CSGALNACT1: variants seen among roughly 807,000 people sequenced by gnomAD.
CSGALNACT1 encodes the protein beta4GalNAcT-1.
Under a neutral mutation model 51.0 loss-of-function variants are expected in CSGALNACT1, and 52 were observed. That is an observed-to-expected ratio of 1.02 (90% CI 0.82 to 1.29). The LOEUF (loss-of-function observed/expected upper bound fraction) is 1.29, where lower values mean the gene tolerates loss of function less well. Among genes scored for constraint, CSGALNACT1 ranks in the 50% most tolerant of loss-of-function variants. CSGALNACT1 has a pLI of 0.00. For synonymous variants in CSGALNACT1, 341 were observed against 254.4 expected (o/e 1.34, Z -3.24); for missense variants, 935 against 679.2 (o/e 1.38, Z -4.19).
chr8:19,572,938 C>T (rs1000822736), intron 3 of CSGALNACT1, among the ~76,000 whole-genome samples: 5 of 152,204 alleles, frequency 3.3e-5, no homozygotes, highest in South Asian at 2.1e-4. Context: ...TCCTAAATAT[C>T]GTATTTGAAA....
intron 1 of CSGALNACT1, among the ~76,000 whole-genome samples, chr8:19,631,522 T>C (rs1384783703): frequency 6.6e-6 from 1 of 152,206 alleles, no homozygotes; most frequent in Non-Finnish European, 1.5e-5. Flanking sequence ...TTCAGAAACT[T>C]CAGCCAATCA....
intron 1 of CSGALNACT1, among the ~76,000 whole-genome samples, chr8:19,679,289 C>G (rs940743517): frequency 1.3e-5 from 2 of 151,740 alleles, no homozygotes; most frequent in African/African-American, 4.8e-5. Flanking sequence ...CCCGTTTCTA[C>G]AAACAAAATA....
At chr8:19,564,375 G>A (rs763107418) in intron 3 of CSGALNACT1, among the ~76,000 whole-genome samples, 27 of 150,756 alleles carry the variant, frequency 1.8e-4, no homozygotes, top group Non-Finnish European at 3.1e-4. Context: ...TTTCAATTTC[G>A]TTTTTCTCAG....
intron 5 of CSGALNACT1, among the ~76,000 whole-genome samples, chr8:19,450,083 G>C (rs1586272857): frequency 8.9e-6 from 1 of 112,370 alleles, no homozygotes. Context: ...GGGGAGGAGG[G>C]GGAGGAGGAG....
At chr8:19,742,967 C>A (rs1490342962) in intron 1 of CSGALNACT1, among the ~76,000 whole-genome samples, 1 of 152,220 alleles carries the variant, frequency 6.6e-6, no homozygotes, top group African/African-American at 2.4e-5. Context: ...AAACACTGGA[C>A]TAGATGATCT....
At chr8:19,667,400 C>G (rs966317896) in intron 1 of CSGALNACT1, among the ~76,000 whole-genome samples, 5 of 152,168 alleles carry the variant, frequency 3.3e-5, no homozygotes, top group African/African-American at 4.8e-5. Context: ...CACACCACTG[C>G]ACTCCAGCCT....
chr8:19,612,611 T>A (rs1411032135), intron 1 of CSGALNACT1, among the ~76,000 whole-genome samples: 1 of 152,014 alleles, frequency 6.6e-6, no homozygotes, highest in Non-Finnish European at 1.5e-5. Flanking sequence ...AAGAGTTAAT[T>A]TGGGCTTTCA....
At chr8:19,431,215 T>C (rs1444065374) in intron 6 of CSGALNACT1, among the ~76,000 whole-genome samples, 1 of 152,152 alleles carries the variant, frequency 6.6e-6, no homozygotes, top group Non-Finnish European at 1.5e-5. Flanking sequence ...TATTGAATAG[T>C]GAAAGCAGAC....
upstream of CSGALNACT1, chr8:19,683,079 C>T (rs2060747310): frequency 8.5e-6 from 2 of 234,272 alleles, no homozygotes; most frequent in South Asian, 1.2e-4. Context: ...AACAGATAGG[C>T]AACTGTGTGC....
At chr8:19,666,865 GAA>G (rs1273910842) in intron 1 of CSGALNACT1, among the ~76,000 whole-genome samples, 14 of 124,854 alleles carry the variant, frequency 1.1e-4, no homozygotes, top group Admixed American at 1.6e-4. Flanking sequence ...AAGAAAGAAA[GAA>G]AGAAAGAAAG....
chr8:19,517,950 C>T (rs28490401), intron 3 of CSGALNACT1, among the ~76,000 whole-genome samples: 18,234 of 152,126 alleles, frequency 0.12, 3,056 homozygotes, highest in African/African-American at 0.38. Flanking sequence ...GGCCATGTGT[C>T]AAACTAACAT....
At chr8:19,458,634 G>C (rs576973177) in exon 5 of CSGALNACT1, 1 of 1,613,846 alleles carries the variant, frequency 6.2e-7, no homozygotes, top group Non-Finnish European at 8.5e-7. Context: ...CTTTCTGTTC[G>C]GTAGATCCCT....
intron 7 of CSGALNACT1, among the ~76,000 whole-genome samples, chr8:19,419,242 G>T (rs181498254): frequency 2.0e-5 from 3 of 152,168 alleles, no homozygotes; most frequent in Non-Finnish European, 4.4e-5. Context: ...AAATATTTCT[G>T]ATCTCCCAGC....
chr8:19,538,079 A>AG (rs1482892332), intron 3 of CSGALNACT1, among the ~76,000 whole-genome samples: 1 of 152,136 alleles, frequency 6.6e-6, no homozygotes, highest in Non-Finnish European at 1.5e-5. Context: ...GTGTTTTGGG[A>AG]GGCTGAGGCA....
In CSGALNACT1 at chr8:19,724,441, C is replaced by T. The variant is rs373587907; in HGVS notation, c.-297+33409G>A. Among the ~76,000 whole-genome samples the T allele has an allele frequency of 4.6e-5, 7 of 152,334 alleles. No homozygotes were observed. In the East Asian group the frequency reaches 7.7e-4, roughly 17 times the overall value. On this transcript the variant is annotated intron_variant, in intron 1 of 1. Transcript: ENST00000517494. ...AATGGCTGGCTGAGTTTTTCTCACA[C>T]GGCATCACTTTGGTTCTCTGCCTTC... is the stretch of plus-strand genomic sequence containing the variant.
intron 4 of CSGALNACT1, among the ~76,000 whole-genome samples, chr8:19,502,583 G>C (rs2076609968): frequency 1.3e-5 from 2 of 152,302 alleles, no homozygotes; most frequent in South Asian, 2.1e-4. Flanking sequence ...AAAGTGTGGA[G>C]AACTCCTGTT....
intron 3 of CSGALNACT1, among the ~76,000 whole-genome samples, chr8:19,509,051 A>T (rs564025365): frequency 2.0e-5 from 3 of 152,256 alleles, no homozygotes; most frequent in Non-Finnish European, 4.4e-5. Flanking sequence ...ACAAAAAGTC[A>T]TAAGAACTGC....
At chr8:19,526,009 G>A (rs1332739728) in intron 3 of CSGALNACT1, among the ~76,000 whole-genome samples, 1 of 152,184 alleles carries the variant, frequency 6.6e-6, no homozygotes, top group Non-Finnish European at 1.5e-5. Context: ...GAAACTAGCT[G>A]AGGAATACTT....
intron 4 of CSGALNACT1, among the ~76,000 whole-genome samples, chr8:19,460,546 G>C (rs780751456): frequency 1.8e-4 from 27 of 152,132 alleles, no homozygotes; most frequent in Non-Finnish European, 5.9e-5. Context: ...AATCCCCACA[G>C]TGAACCAAGA....
Sources: allele counts gnomAD v4.1 joint callset (sites outside exome capture counted in the v4.1 genomes callset), GRCh38; gene constraint gnomAD v4.1.1; transcripts MANE v1.5; gene names NCBI Gene and HGNC (gene_info 2026-07-23, HGNC 2026-07-21).